The following ADAMTS12 variants were observed in gnomAD, a reference collection of about 807,000 sequenced individuals.
The protein encoded by ADAMTS12 is A disintegrin and metalloproteinase with thrombospondin motifs 12.
Under a neutral mutation model 167.8 loss-of-function variants are expected in ADAMTS12, and 118 were observed. The ratio of observed to expected loss-of-function variants is 0.70; its 90% CI spans 0.61 to 0.82. The LOEUF is 0.82. Ranked by LOEUF, ADAMTS12 falls within the 40% of genes least tolerant of loss-of-function variation. The pLI, the probability that ADAMTS12 is intolerant of heterozygous loss-of-function variation, is 0.00. For synonymous variants in ADAMTS12, 704 were observed against 716.9 expected, an observed-to-expected ratio of 0.98 and a Z score of 0.29; for missense variants, 1,916 against 1,998.8, an observed-to-expected ratio of 0.96 and a Z score of 0.79.
chr5:33,694,122 G>T (rs1251165461), intron 3 of ADAMTS12, among the ~76,000 whole-genome samples: 2 of 152,092 alleles, frequency 1.3e-5, no homozygotes, highest in East Asian at 1.9e-4. Context: ...TCTACAACAA[G>T]AATTACAAAA....
intron 2 of ADAMTS12, among the ~76,000 whole-genome samples, chr5:33,768,526 C>T (rs972923749): frequency 5.3e-5 from 8 of 152,010 alleles, no homozygotes; most frequent in Non-Finnish European, 7.4e-5. Flanking sequence ...GCATTTTGCA[C>T]GTTTTTAAAT....
At chr5:33,735,255 C>A (rs1379011651) in intron 3 of ADAMTS12, among the ~76,000 whole-genome samples, 1 of 152,078 alleles carries the variant, frequency 6.6e-6, no homozygotes, top group Admixed American at 6.6e-5. Flanking sequence ...CTAGGGTTTT[C>A]GATTCAATAA....
In ADAMTS12 at chr5:33,800,006, T is replaced by A. The variant is rs1380535949; in HGVS notation, c.490-48458A>T. 2.0e-5 allele frequency among the ~76,000 whole-genome samples: 3 copies of A among 152,222 alleles called. No individual in the cohort carries two copies. The East Asian group carries it at 5.8e-4, about 29-fold the overall frequency. On this transcript the variant is annotated intron_variant, in intron 2 of 23. Transcript: ENST00000504830. ...TTGGAAATGTTCCTGGGTCCGGGAC[T>A]GTGGCCTCCTCTAAGGGCTCAGGCA...
chr5:33,884,131 T>C (rs1750557334), intron 1 of ADAMTS12, among the ~76,000 whole-genome samples: 1 of 152,206 alleles, frequency 6.6e-6, no homozygotes, highest in Non-Finnish European at 1.5e-5. Context: ...TGGCGCCTTC[T>C]ATTAAGAGAA....
intron 11 of ADAMTS12, among the ~76,000 whole-genome samples, chr5:33,639,713 A>G (rs765457894): frequency 6.6e-6 from 1 of 152,210 alleles, no homozygotes; most frequent in Non-Finnish European, 1.5e-5. Flanking sequence ...CCTGACCACA[A>G]AATCCTGAGA....
intron 3 of ADAMTS12, among the ~76,000 whole-genome samples, chr5:33,712,633 G>T (rs1227790306): frequency 6.6e-6 from 1 of 151,710 alleles, no homozygotes; most frequent in Non-Finnish European, 1.5e-5. Flanking sequence ...GTAAAAGATA[G>T]AGACAAGGCT....
chr5:33,606,013 T>C (rs572947738), intron 16 of ADAMTS12, among the ~76,000 whole-genome samples: 198 of 152,228 alleles, frequency 1.3e-3, no homozygotes, highest in African/African-American at 4.5e-3. Flanking sequence ...AGAGGTGCAA[T>C]CTCGACTCAT....
chr5:33,540,008 C>T (rs1040076632), intron 22 of ADAMTS12, among the ~76,000 whole-genome samples: 10 of 152,242 alleles, frequency 6.6e-5, no homozygotes, highest in Admixed American at 2.6e-4. Flanking sequence ...CGGGGCGTCG[C>T]TTCACCCGGG....
At chr5:33,636,704 G>C (rs1441737763) in intron 12 of ADAMTS12, among the ~76,000 whole-genome samples, 1 of 152,126 alleles carries the variant, frequency 6.6e-6, no homozygotes, top group Non-Finnish European at 1.5e-5. Flanking sequence ...TGAAAAATTT[G>C]ATTAGCTATT....
chr5:33,653,281 G>C (rs1214305967), intron 7 of ADAMTS12, among the ~76,000 whole-genome samples: 2 of 151,952 alleles, frequency 1.3e-5, no homozygotes, highest in African/African-American at 4.8e-5. Context: ...TAATCATGTG[G>C]TTTCTCTTGT....
chr5:33,644,719 G>T (rs1416848546), intron 9 of ADAMTS12, among the ~76,000 whole-genome samples: 1 of 144,186 alleles, frequency 6.9e-6, no homozygotes, highest in East Asian at 2.1e-4. Flanking sequence ...GCTGAATTAT[G>T]AACTCATCTG....
chr5:33,867,972 T>C (rs1048614791), intron 2 of ADAMTS12, among the ~76,000 whole-genome samples: 14 of 152,072 alleles, frequency 9.2e-5, no homozygotes, highest in African/African-American at 3.1e-4. Flanking sequence ...TCTCATGAGA[T>C]TTGGTATTTA....
intron 2 of ADAMTS12, among the ~76,000 whole-genome samples, chr5:33,752,544 T>A (rs998419790): frequency 1.3e-5 from 2 of 151,998 alleles, no homozygotes; most frequent in African/African-American, 4.8e-5. Context: ...AGTAAATGAG[T>A]TAATGTATGC....
chr5:33,580,128 G>A (rs1415966352), intron 18 of ADAMTS12, among the ~76,000 whole-genome samples: 1 of 152,242 alleles, frequency 6.6e-6, no homozygotes, highest in African/African-American at 2.4e-5. Context: ...CTGATGGTGT[G>A]AATTTGCTCA....
At chr5:33,799,177 T>C (rs1746897998) in intron 2 of ADAMTS12, among the ~76,000 whole-genome samples, 2 of 152,240 alleles carry the variant, frequency 1.3e-5, no homozygotes, top group African/African-American at 2.4e-5. Context: ...GAAGCAGCAC[T>C]AGAACCCTTG....
At position 33,524,001 on chromosome 5, in the gene ADAMTS12, T is replaced by C. The variant is rs1489520032; in HGVS notation, c.*3187A>G. 6.6e-6 allele frequency: 1 copy of C among 152,206 alleles called. No individual in the cohort carries two copies. Among genetic ancestry groups the C allele is most frequent in the Non-Finnish European group, 1.5e-5 (1 of 68,042 alleles). The allele number at this position is 152,206 out of a possible 1,614,324, so 9.4% of individuals were successfully genotyped here. ...TGTGCAGCTTTCAGAGTTTGGAAGA[T>C]TTTAGTCAACTAAATGGGATGTTAT... On this transcript the variant is annotated 3_prime_UTR_variant, in exon 24 of 24. Coordinates refer to ENST00000504830, the MANE Select transcript of ADAMTS12 (RefSeq NM_030955.4).
At chr5:33,737,010 C>G (rs866567031) in intron 3 of ADAMTS12, among the ~76,000 whole-genome samples, 1 of 152,178 alleles carries the variant, frequency 6.6e-6, no homozygotes, top group Non-Finnish European at 1.5e-5. Context: ...ATGCCAGAAC[C>G]AGCTGCCAAC....
intron 3 of ADAMTS12, among the ~76,000 whole-genome samples, chr5:33,687,525 T>C (rs1742378925): frequency 6.6e-6 from 1 of 152,254 alleles, no homozygotes; most frequent in South Asian, 2.1e-4. Flanking sequence ...CAAAGGAGTA[T>C]GTGACGTGAT....
intron 9 of ADAMTS12, 39 bp downstream of exon 9, chr5:33,648,783 T>C (rs762701290): frequency 1.2e-6 from 2 of 1,611,446 alleles, no homozygotes; most frequent in Non-Finnish European, 1.7e-6. Context: ...ATGCTGGAGA[T>C]CTGAAGCCCT....
Sources: allele counts gnomAD v4.1 joint callset (sites outside exome capture counted in the v4.1 genomes callset), GRCh38; gene constraint gnomAD v4.1.1; transcripts MANE v1.5; gene names NCBI Gene and HGNC (gene_info 2026-07-23, HGNC 2026-07-21).